Variants in MOB3B observed in about 807,000 individuals in gnomAD.
MOB3B encodes the protein MOB kinase activator-like 2B.
MOB3B carries 7 observed loss-of-function variants against 18.7 expected under a neutral mutation model. The ratio of observed to expected loss-of-function variants is 0.37; its 90% CI spans 0.21 to 0.70. The LOEUF (loss-of-function observed/expected upper bound fraction) is 0.70, where lower values mean the gene tolerates loss of function less well. MOB3B is among the 30% of genes least tolerant of loss of function. MOB3B has a pLI of 0.52. For synonymous variants in MOB3B, 111 were observed against 99.9 expected (o/e 1.11, Z -0.66); for missense variants, 253 against 281.3 (o/e 0.90, Z 0.72).
At chr9:27,418,969 AT>A (rs1313119221) in intron 2 of MOB3B, among the ~76,000 whole-genome samples, 1 of 151,684 alleles carries the variant, frequency 6.6e-6, no homozygotes, top group African/African-American at 2.4e-5. Flanking sequence ...TGGATACAAG[AT>A]TAATGTACAC....
chr9:27,367,009 T>C (rs1821351749), intron 2 of MOB3B, among the ~76,000 whole-genome samples: 1 of 152,222 alleles, frequency 6.6e-6, no homozygotes, highest in Non-Finnish European at 1.5e-5. Context: ...TTCAGGTCTG[T>C]TACCTGCTCC....
At chr9:27,492,014 G>T (rs891176027) in intron 1 of MOB3B, among the ~76,000 whole-genome samples, 27 of 152,240 alleles carry the variant, frequency 1.8e-4, no homozygotes, top group African/African-American at 6.3e-4. Flanking sequence ...TCACTTCGCT[G>T]CTCAAATTGA....
At chr9:27,471,444 G>A (rs10967950) in intron 1 of MOB3B, among the ~76,000 whole-genome samples, 21,079 of 152,106 alleles carry the variant, frequency 0.14, 1,908 homozygotes, top group East Asian at 0.33. Flanking sequence ...CCACCCCTGC[G>A]CTTTGTGGCT....
chr9:27,363,567 T>C (rs1821304772), intron 2 of MOB3B, among the ~76,000 whole-genome samples: 1 of 149,050 alleles, frequency 6.7e-6, no homozygotes, highest in Non-Finnish European at 1.5e-5. Context: ...CACGCCCGGC[T>C]CAGTTTTTTT....
chr9:27,478,513 T>A (rs903673731), intron 1 of MOB3B, among the ~76,000 whole-genome samples: 5 of 151,502 alleles, frequency 3.3e-5, no homozygotes, highest in African/African-American at 9.7e-5. Flanking sequence ...GAGAAAAACA[T>A]GTTAAATTGC....
intron 2 of MOB3B, among the ~76,000 whole-genome samples, chr9:27,390,331 C>T (rs1392221279): frequency 1.3e-5 from 2 of 152,060 alleles, no homozygotes; most frequent in East Asian, 3.9e-4. Context: ...CTCACTGCCT[C>T]CTCTGGGGTT....
At chr9:27,498,105 C>A (rs925365845) in intron 1 of MOB3B, among the ~76,000 whole-genome samples, 2 of 152,152 alleles carry the variant, frequency 1.3e-5, no homozygotes, top group African/African-American at 4.8e-5. Context: ...GGCTGCCCAC[C>A]CCCTTCTCCA....
chr9:27,352,697 T>C lies in MOB3B; in HGVS notation c.621+6337A>G, dbSNP rs561986108. On this transcript the variant is annotated intron_variant, in intron 3 of 3. Coordinates refer to ENST00000262244, the MANE Select transcript of MOB3B (RefSeq NM_024761.5). ...GGCCAGGGTGGAGGCATGAGGAAAA[T>C]AGAAAAATCTAGAGACACATCACAT... 1.1e-4 allele frequency among the ~76,000 whole-genome samples: 16 copies of C among 152,100 alleles called. No individual in the cohort carries two copies. The East Asian group carries it at 1.2e-3, about 11-fold the overall frequency.
chr9:27,510,093 T>C (rs1191637583), intron 1 of MOB3B, among the ~76,000 whole-genome samples: 1 of 152,222 alleles, frequency 6.6e-6, no homozygotes, highest in Non-Finnish European at 1.5e-5. Flanking sequence ...GTTCAATGGA[T>C]TTGAACACAT....
intron 2 of MOB3B, among the ~76,000 whole-genome samples, chr9:27,405,018 T>C (rs1399696179): frequency 1.3e-5 from 2 of 151,902 alleles, no homozygotes; most frequent in African/African-American, 4.8e-5. Context: ...TTATTAATGA[T>C]GTTGAACATA....
At chr9:27,401,465 A>T (rs981880652) in intron 2 of MOB3B, among the ~76,000 whole-genome samples, 3 of 152,232 alleles carry the variant, frequency 2.0e-5, no homozygotes, top group African/African-American at 7.2e-5. Flanking sequence ...TGTCAACGAC[A>T]GGTGGGATCA....
Position 27,455,593 on chromosome 9 carries a change from G to T in MOB3B, c.-43C>A, listed in dbSNP as rs774597896. 6 of 1,611,704 alleles carry T rather than the reference G, an allele frequency of 3.7e-6. No homozygotes were observed. The highest frequency in any genetic ancestry group is 2.2e-5 in the South Asian group (2 of 90,784). On this transcript the variant is annotated 5_prime_UTR_variant, in exon 2 of 4. Coordinates refer to ENST00000262244, the MANE Select transcript of MOB3B (RefSeq NM_024761.5). ...CCTTTCTTTTGCAGGAAGCGAAAAG[G>T]CACCTGGAACTTTTCAGGGAGAGAT...
At chr9:27,405,625 T>G (rs1411138412) in intron 2 of MOB3B, among the ~76,000 whole-genome samples, 2 of 152,158 alleles carry the variant, frequency 1.3e-5, no homozygotes, top group Non-Finnish European at 2.9e-5. Context: ...GTTGCCTGTA[T>G]TTTTGAGGTC....
intron 1 of MOB3B, among the ~76,000 whole-genome samples, chr9:27,479,035 T>C (rs1400102422): frequency 6.6e-6 from 1 of 152,202 alleles, no homozygotes; most frequent in Non-Finnish European, 1.5e-5. Context: ...GTCAAACTAA[T>C]ATTCTATACC....
chr9:27,328,462 G>A lies in MOB3B; in HGVS notation c.*2125C>T, dbSNP rs1223282183. On this transcript the variant is annotated 3_prime_UTR_variant, in exon 4 of 4. Transcript: ENST00000262244. ...ATTAGTGCAATTAACAATATAAGCA[G>A]GAGGAAATTCTTCCAAGAAGCTTAA... 1 of 151,716 alleles carries A rather than the reference G, an allele frequency of 6.6e-6. No individual in the cohort carries two copies. Among genetic ancestry groups the A allele is most frequent in the African/African-American group, 2.4e-5 (1 of 41,278 alleles). The allele number at this position is 151,716 out of a possible 1,614,324, so 9.4% of individuals were successfully genotyped here. A position where few individuals can be genotyped will look rare whatever the true frequency, so the allele number is the denominator to read the frequency against.
At chr9:27,472,855 C>A (rs915410730) in intron 1 of MOB3B, among the ~76,000 whole-genome samples, 1 of 152,102 alleles carries the variant, frequency 6.6e-6, no homozygotes, top group Admixed American at 6.5e-5. Flanking sequence ...AAAGGCTTAA[C>A]GTAGGTGAAA....
At chr9:27,367,727 G>A (rs1022467724) in intron 2 of MOB3B, among the ~76,000 whole-genome samples, 1 of 152,208 alleles carries the variant, frequency 6.6e-6, no homozygotes, top group Non-Finnish European at 1.5e-5. Context: ...AGGGGTGGCA[G>A]GAGGGCAAAT....
intron 3 of MOB3B, among the ~76,000 whole-genome samples, chr9:27,331,755 A>C (rs1273362563): frequency 1.3e-5 from 2 of 152,230 alleles, no homozygotes; most frequent in African/African-American, 2.4e-5. Context: ...CCTGCTGCAG[A>C]GCTGACTGCA....
intron 1 of MOB3B, among the ~76,000 whole-genome samples, chr9:27,472,766 T>G (rs143061944): frequency 6.6e-6 from 1 of 151,946 alleles, no homozygotes; most frequent in Non-Finnish European, 1.5e-5. Flanking sequence ...TCTAATTCCT[T>G]TTGGAAAAAG....
Sources: allele counts gnomAD v4.1 joint callset (sites outside exome capture counted in the v4.1 genomes callset), GRCh38; gene constraint gnomAD v4.1.1; transcripts MANE v1.5; gene names NCBI Gene and HGNC (gene_info 2026-07-23, HGNC 2026-07-21).